Variants in GLIS1 observed in about 807,000 individuals in gnomAD.
The protein encoded by GLIS1 is GLIS family zinc finger 1.
A neutral mutation model predicts 63.8 loss-of-function variants in GLIS1; 24 were observed. The ratio of observed to expected loss-of-function variants is 0.38; its 90% CI spans 0.27 to 0.53. The LOEUF is 0.53. GLIS1 is among the 20% of genes least tolerant of loss of function. GLIS1 has a pLI of 0.85. For missense variants in GLIS1, 1,036 were observed against 1,074.1 expected, an observed-to-expected ratio of 0.96 and a Z score of 0.50; for synonymous variants, 450 against 482.5, an observed-to-expected ratio of 0.93 and a Z score of 0.88.
intron 2 of GLIS1, among the ~76,000 whole-genome samples, chr1:53,720,722 T>C (rs1313427706): frequency 6.6e-6 from 1 of 152,214 alleles, no homozygotes; most frequent in Non-Finnish European, 1.5e-5. Context: ...GTTGTATGCA[T>C]GTGTCAAAAT....
At chr1:53,609,771 T>C (rs145688604) in intron 2 of GLIS1, among the ~76,000 whole-genome samples, 1 of 152,356 alleles carries the variant, frequency 6.6e-6, no homozygotes, top group Admixed American at 6.5e-5. Flanking sequence ...ATTTCATTGC[T>C]GTGTGAACAT....
chr1:53,647,666 G>C (rs1166792444), intron 2 of GLIS1, among the ~76,000 whole-genome samples: 1 of 151,628 alleles, frequency 6.6e-6, no homozygotes, highest in African/African-American at 2.4e-5. Flanking sequence ...TTCACAATTT[G>C]AGATAAATTC....
chr1:53,703,192 GT>G (rs1367637876), intron 2 of GLIS1, among the ~76,000 whole-genome samples: 1 of 152,232 alleles, frequency 6.6e-6, no homozygotes, highest in African/African-American at 2.4e-5. Flanking sequence ...CATTTTCTAT[GT>G]GTTAACCCCA....
rs139713451 is a variant in GLIS1, at chr1:53,695,725, G to C, written c.259+42081C>G. ...AAAGGAGGGGAGATGGCCTGGAGAAGTGTGCCGCACCGGGACCCAAAAACT... is the reference window on the plus strand; with the variant it reads ...AAAGGAGGGGAGATGGCCTGGAGAACTGTGCCGCACCGGGACCCAAAAACT... On this transcript the variant is annotated intron_variant, in intron 2 of 10. Transcript: ENST00000628545. Among the ~76,000 whole-genome samples, 14 of 152,340 alleles carry C rather than the reference G, an allele frequency of 9.2e-5. 1 individual carries two copies. The South Asian group carries it at 1.7e-3, about 18-fold the overall frequency.
Position 53,639,620 on chromosome 1 carries a change from C to A in GLIS1, c.260-39342G>T, listed in dbSNP as rs1028202403. Among the ~76,000 whole-genome samples the A allele has an allele frequency of 6.6e-6, 1 of 152,108 alleles. No individual in the cohort carries two copies. Among genetic ancestry groups the A allele is most frequent in the Non-Finnish European group, 1.5e-5 (1 of 68,036 alleles). ...AGAGGGTGACGATAATATTTTCTTT[C>A]CTGTCTTACCTCGGAGACAGGGTGG... On this transcript the variant is annotated intron_variant, in intron 2 of 10. Coordinates refer to ENST00000628545, the MANE Select transcript of GLIS1 (RefSeq NM_001367484.1). This position sits in a 1 kb window ranked among gnomAD's most constrained non-coding sequence, Gnocchi z 4.6.
chr1:53,651,515 T>TG (rs570972947), intron 2 of GLIS1, among the ~76,000 whole-genome samples: 177 of 152,108 alleles, frequency 1.2e-3, no homozygotes, highest in African/African-American at 4.0e-3. Flanking sequence ...CAGGTGGGTC[T>TG]GGGGGGGCGA....
rs145969491 is a variant in GLIS1 at position 53,673,944 on chromosome 1, G to A, written c.259+63862C>T. Among the ~76,000 whole-genome samples the A allele has an allele frequency of 4.1e-3, 629 of 152,254 alleles. 6 individuals carry two copies. The highest frequency in any genetic ancestry group is 0.014 in the African/African-American group (587 of 41,536). On this transcript the variant is annotated intron_variant, in intron 2 of 10. Transcript: ENST00000628545. Reference sequence around the variant, plus strand: ...CCCAGCACTTTGGGAGGCCGAGGTGGTCGGATGACTTGAGGTCAGGAGTTC... The same window carrying A: ...CCCAGCACTTTGGGAGGCCGAGGTGATCGGATGACTTGAGGTCAGGAGTTC...
intron 5 of GLIS1, among the ~76,000 whole-genome samples, chr1:53,527,410 C>T (rs1644481994): frequency 6.6e-6 from 1 of 152,224 alleles, no homozygotes; most frequent in African/African-American, 2.4e-5. Context: ...GAAGGCCGCC[C>T]AGTCCATGTG....
intron 2 of GLIS1, among the ~76,000 whole-genome samples, chr1:53,669,445 G>C (rs1334114423): frequency 3.3e-5 from 5 of 152,184 alleles, no homozygotes; most frequent in Admixed American, 3.3e-4. Context: ...AAGGGGAGGG[G>C]TAAGAGGGGG....
intron 4 of GLIS1, among the ~76,000 whole-genome samples, chr1:53,562,236 T>C (rs552789): frequency 0.016 from 2,425 of 152,248 alleles, 68 homozygotes; most frequent in African/African-American, 0.054. Context: ...CATCTCTTCT[T>C]ACAAAGATGC....
At chr1:53,577,714 C>G (rs1432317457) in intron 4 of GLIS1, among the ~76,000 whole-genome samples, 2 of 152,132 alleles carry the variant, frequency 1.3e-5, no homozygotes, top group African/African-American at 4.8e-5. Context: ...TGGGATCCTG[C>G]CTGTTTTGAG....
intron 7 of GLIS1, among the ~76,000 whole-genome samples, chr1:53,515,075 GTA>G (rs1164003404): frequency 3.1e-5 from 3 of 96,846 alleles, no homozygotes; most frequent in African/African-American, 1.1e-4. Flanking sequence ...GGGTGTGTGT[GTA>G]TATGTGTGTG....
At chr1:53,608,902 T>A (rs1349020238) in intron 2 of GLIS1, among the ~76,000 whole-genome samples, 1 of 152,174 alleles carries the variant, frequency 6.6e-6, no homozygotes, top group Non-Finnish European at 1.5e-5. Context: ...TCTGCCCCCC[T>A]GCATGTGAAT....
Position 53,510,000 on chromosome 1 carries a change from T to C in GLIS1, c.1911A>G (p.Ile637Met), listed in dbSNP as rs1266683143. ...GCCCCAGCCCCTTCAGGGGGCTGAC[T>C]ATTGGTGAGAGGAGGCCGGGCCCCA... ...DGLGPGLLSP[I>M]VSPLKGLGPP... The change falls in exon 9 of 11, where the codon ATA becomes ATG. Residue 637 changes from isoleucine (I) to methionine (M), a missense_variant. Around this residue, in one of 3 missense-constraint regions of GLIS1, gnomAD observed 400 missense variants for 400.9 expected, o/e 1.00. Coordinates refer to ENST00000628545, the MANE Select transcript of GLIS1 (RefSeq NM_001367484.1). 2 of 1,282,182 alleles carry C rather than the reference T, an allele frequency of 1.6e-6. No individual in the cohort carries two copies. Among genetic ancestry groups the C allele is most frequent in the East Asian group, 2.9e-5 (1 of 34,492 alleles). The allele number at this position is 1,282,182 out of a possible 1,614,324, so 79.4% of individuals were successfully genotyped here.
chr1:53,683,531 A>G (rs572889103), intron 2 of GLIS1, among the ~76,000 whole-genome samples: 2 of 152,178 alleles, frequency 1.3e-5, no homozygotes, highest in South Asian at 4.2e-4. Flanking sequence ...CCTACCTCAG[A>G]GAGTTCTCAC....
rs567864073 is a variant in GLIS1, at chr1:53,616,927, C to G, written c.260-16649G>C. ...AGCTTTGGCTTCTGAAAAATCCCACCCCCAACCCCATCTCCACCCCAGACC... is the reference window on the plus strand; with the variant it reads ...AGCTTTGGCTTCTGAAAAATCCCACGCCCAACCCCATCTCCACCCCAGACC... On this transcript the variant is annotated intron_variant, in intron 2 of 10. Coordinates refer to ENST00000628545, the MANE Select transcript of GLIS1 (RefSeq NM_001367484.1). 2.6e-4 allele frequency among the ~76,000 whole-genome samples: 39 copies of G among 152,134 alleles called. 1 individual carries two copies. The South Asian group carries it at 7.7e-3, about 30-fold the overall frequency.
intron 3 of GLIS1, among the ~76,000 whole-genome samples, chr1:53,596,463 T>A (rs975824130): frequency 6.6e-6 from 1 of 152,130 alleles, no homozygotes; most frequent in African/African-American, 2.4e-5. Context: ...CCTCATCCCA[T>A]CTGAACCTCA....
chr1:53,641,143 G>A (rs141578306), intron 2 of GLIS1, among the ~76,000 whole-genome samples: 8 of 152,242 alleles, frequency 5.3e-5, no homozygotes, highest in South Asian at 4.2e-4. Context: ...CAGGGTCTGC[G>A]GTGTTGACTC....
At chr1:53,628,727 G>A (rs368122512) in intron 2 of GLIS1, among the ~76,000 whole-genome samples, 2 of 152,114 alleles carry the variant, frequency 1.3e-5, no homozygotes, top group African/African-American at 4.8e-5. Context: ...CAGTCTCCTG[G>A]GTGCTGATCA....
Sources: gnomAD v4.1 joint callset for allele counts (sites outside exome capture counted in the v4.1 genomes callset) on GRCh38, gnomAD v4.1.1 for gene constraint, gnomAD v4.1.1 regional missense constraint, Gnocchi (gnomAD v3.1) non-coding constraint, MANE v1.5 for transcripts, NCBI Gene and HGNC (gene_info 2026-07-23, HGNC 2026-07-21) for gene names.